Variants in CASTOR2 observed in about 807,000 individuals in gnomAD.
The protein encoded by CASTOR2 is cytosolic arginine sensor for mTORC1 subunit 2.
In CASTOR2, 8 loss-of-function variants were observed where a neutral mutation model predicts 31.2. That is an observed-to-expected ratio of 0.26 (90% CI 0.15 to 0.46). CASTOR2 has a LOEUF of 0.46. CASTOR2 is among the 20% of genes least tolerant of loss of function. CASTOR2 has a pLI of 0.99. For missense variants in CASTOR2, 216 were observed against 382.1 expected (o/e 0.57, Z 3.62); for synonymous variants, 162 against 158.7 (o/e 1.02, Z -0.16).
At chr7:74,999,232 G>A (rs1393249784) in intron 1 of CASTOR2, among the ~76,000 whole-genome samples, 2 of 151,802 alleles carry the variant, frequency 1.3e-5, no homozygotes, top group African/African-American at 4.8e-5. Context: ...GGATGGTCTC[G>A]ATCTCCTGAC....
intron 1 of CASTOR2, among the ~76,000 whole-genome samples, chr7:75,006,532 C>G (rs1463162681): frequency 6.6e-6 from 1 of 152,174 alleles, no homozygotes; most frequent in Non-Finnish European, 1.5e-5. Flanking sequence ...ACTGTCCACT[C>G]AAAGATCCCT....
At chr7:74,988,144 T>C (rs1554436920) in intron 1 of CASTOR2, among the ~76,000 whole-genome samples, 9 of 151,892 alleles carry the variant, frequency 5.9e-5, no homozygotes, top group Non-Finnish European at 1.3e-4. Context: ...TTTTTTTCTT[T>C]TTTGAGACGG....
In CASTOR2 at chr7:75,026,190, T is replaced by G. The variant is rs1169452269; in HGVS notation, c.*1491T>G. On this transcript the variant is annotated 3_prime_UTR_variant, in exon 9 of 9. Coordinates refer to ENST00000616305, the MANE Select transcript of CASTOR2 (RefSeq NM_001145064.3). ...CCTGTGGTTTTGGCTCTGGCGGGGG[T>G]TTTTTTTTTTTTTTTTGAGATGGGA... Among the ~76,000 whole-genome samples the G allele has an allele frequency of 5.7e-4, 65 of 113,212 alleles. No homozygotes were observed. Among genetic ancestry groups the G allele is most frequent in the East Asian group, 9.5e-4 (4 of 4,206 alleles). The allele number at this position is 113,212 out of a possible 152,430, so 74.3% of individuals were successfully genotyped here.
intron 1 of CASTOR2, among the ~76,000 whole-genome samples, chr7:74,986,533 C>T (rs1804071328): frequency 6.6e-6 from 1 of 151,734 alleles, no homozygotes; most frequent in Non-Finnish European, 1.5e-5. Flanking sequence ...AAGAACATGG[C>T]TGCAGGTCTC....
At chr7:74,994,226 C>T (rs1554437661) in intron 1 of CASTOR2, among the ~76,000 whole-genome samples, 1 of 152,246 alleles carries the variant, frequency 6.6e-6, no homozygotes, top group Admixed American at 6.5e-5. Flanking sequence ...TGGCTCCAGG[C>T]CAAGGCCAGG....
intron 1 of CASTOR2, among the ~76,000 whole-genome samples, chr7:74,988,352 C>A (rs1460833501): frequency 1.3e-5 from 2 of 152,150 alleles, no homozygotes; most frequent in Admixed American, 6.6e-5. Flanking sequence ...GGCTGGAGTG[C>A]AGTGGCGCGA....
rs1319240400 is a variant in CASTOR2, at chr7:75,027,475, T to G, written c.*2776T>G. ...GGCCACACGCTGCCTGTGTCCTGCC[T>G]CCGTGGGTGGCACTTTTTACGCAGG... is the stretch of plus-strand genomic sequence containing the variant. On this transcript the variant is annotated 3_prime_UTR_variant, in exon 9 of 9. Coordinates refer to ENST00000616305, the MANE Select transcript of CASTOR2 (RefSeq NM_001145064.3). 2 of 159,516 alleles carry G rather than the reference T, an allele frequency of 1.3e-5. No individual in the cohort carries two copies. The highest frequency in any genetic ancestry group is 1.2e-4 in the Admixed American group (2 of 16,818). 9.9% of individuals were successfully genotyped at this position (159,516 alleles called of 1,614,324 possible).
chr7:75,007,167 G>A (rs1216227680), intron 1 of CASTOR2, among the ~76,000 whole-genome samples: 2 of 152,062 alleles, frequency 1.3e-5, no homozygotes, highest in Non-Finnish European at 2.9e-5. Context: ...GTGGGGGTGC[G>A]GTTCTGGCTA....
At chr7:74,999,131 G>A (rs1443735649) in intron 1 of CASTOR2, among the ~76,000 whole-genome samples, 4 of 151,912 alleles carry the variant, frequency 2.6e-5, no homozygotes, top group Non-Finnish European at 5.9e-5. Context: ...GAGTAGCTGG[G>A]ACTACAGGCG....
chr7:75,017,472 G>A, intron 2 of CASTOR2, 126 bp from the exon 3 acceptor site: 5 of 1,180,614 alleles, frequency 4.2e-6, no homozygotes, highest in Non-Finnish European at 6.1e-6. Context: ...CTGTTGGAAA[G>A]TGAGGCAAGG....
intron 2 of CASTOR2, among the ~76,000 whole-genome samples, chr7:75,015,777 C>T (rs1203528472): frequency 8.5e-5 from 13 of 152,062 alleles, no homozygotes; most frequent in Admixed American, 6.6e-4. Flanking sequence ...GCAAAATAAC[C>T]CTGCCTCGGC....
intron 1 of CASTOR2, among the ~76,000 whole-genome samples, chr7:74,977,062 T>C (rs185348156): frequency 0.022 from 3,356 of 149,790 alleles, 59 homozygotes; most frequent in Non-Finnish European, 0.029. Context: ...TGGGCGCCTG[T>C]AATCCCAGCT....
intron 1 of CASTOR2, among the ~76,000 whole-genome samples, chr7:75,007,443 A>G (rs1423252857): frequency 5.3e-5 from 8 of 152,176 alleles, no homozygotes; most frequent in Non-Finnish European, 1.2e-4. Flanking sequence ...CCATGTCCCA[A>G]AAATGTCACG....
chr7:74,990,486 A>G (rs1554437217), intron 1 of CASTOR2, among the ~76,000 whole-genome samples: 1 of 152,110 alleles, frequency 6.6e-6, no homozygotes, highest in Non-Finnish European at 1.5e-5. Context: ...TGGCAGACCA[A>G]GGCAGGAAGA....
chr7:75,008,522 G>A (rs1299747407), intron 2 of CASTOR2, among the ~76,000 whole-genome samples: 36 of 151,874 alleles, frequency 2.4e-4, no homozygotes, highest in African/African-American at 6.8e-4. Context: ...GTGAGACCCC[G>A]TCTCTACTAA....
rs899948141 is a variant in CASTOR2 at position 75,027,924 on chromosome 7, C to G, written c.*3225C>G. The G allele has an allele frequency of 8.0e-6, 10 of 1,246,158 alleles. No homozygotes were observed. The highest frequency in any genetic ancestry group is 1.1e-5 in the Non-Finnish European group (10 of 885,080). The allele number at this position is 1,246,158 out of a possible 1,614,324, so 77.2% of individuals were successfully genotyped here. A position where few individuals can be genotyped will look rare whatever the true frequency, so the allele number is the denominator to read the frequency against. The stretch of plus-strand genomic sequence containing the variant: ...CTCCTGGTCTGCTGGGTGGGAGGGT[C>G]TCTCCAGGCCCCAGACCCCACTTGG... On this transcript the variant is annotated 3_prime_UTR_variant, in exon 9 of 9. Transcript: ENST00000616305.
intron 1 of CASTOR2, among the ~76,000 whole-genome samples, chr7:75,006,894 C>T (rs1804619433): frequency 7.5e-6 from 1 of 132,508 alleles, no homozygotes; most frequent in Admixed American, 9.1e-5. Flanking sequence ...AACTATGAGT[C>T]CATTAAACCT....
In CASTOR2 at chr7:75,028,145, T is replaced by C; in HGVS notation, c.*3446T>C. 3 of 1,353,082 alleles carry C rather than the reference T, an allele frequency of 2.2e-6. No individual in the cohort carries two copies. Among genetic ancestry groups the C allele is most frequent in the Non-Finnish European group, 2.9e-6 (3 of 1,028,262 alleles). 83.8% of individuals were successfully genotyped at this position (1,353,082 alleles called of 1,614,324 possible). On this transcript the variant is annotated 3_prime_UTR_variant, in exon 9 of 9. Transcript: ENST00000616305. ...TTTTTTTTTTTTTTTTGAGACGGAG[T>C]CTTGCTCTGTCGCCCAGGCTGGAGT... is the stretch of plus-strand genomic sequence containing the variant.
intron 1 of CASTOR2, among the ~76,000 whole-genome samples, chr7:74,985,078 A>G (rs1804031633): frequency 6.6e-6 from 1 of 152,112 alleles, no homozygotes; most frequent in Non-Finnish European, 1.5e-5. Flanking sequence ...TGGAGATTGC[A>G]GTGAGCTGAG....
Sources: gnomAD v4.1 joint callset for allele counts (sites outside exome capture counted in the v4.1 genomes callset) on GRCh38, gnomAD v4.1.1 for gene constraint, MANE v1.5 for transcripts, NCBI Gene and HGNC (gene_info 2026-07-23, HGNC 2026-07-21) for gene names.